The following METTL4 variants were observed in gnomAD, a reference collection of about 807,000 sequenced individuals.
METTL4 encodes N(6)-adenine-specific methyltransferase METTL4.
Under a neutral mutation model 54.0 loss-of-function variants are expected in METTL4, and 40 were observed. That is an observed-to-expected ratio of 0.74 (90% CI 0.58 to 0.96). METTL4 has a LOEUF of 0.96. METTL4 is among the 50% of genes least tolerant of loss of function. The pLI, the probability that METTL4 is intolerant of heterozygous loss-of-function variation, is 0.00. For missense variants in METTL4, 525 were observed against 549.0 expected, an observed-to-expected ratio of 0.96 and a Z score of 0.44; for synonymous variants, 169 against 183.8, an observed-to-expected ratio of 0.92 and a Z score of 0.65.
Position 2,567,130 on chromosome 18 carries a change from A to G in METTL4, c.87T>C (p.His29=), listed in dbSNP as rs2072433303. The G allele has an allele frequency of 1.2e-6, 2 of 1,614,014 alleles. No individual in the cohort carries two copies. The highest frequency in any genetic ancestry group is 1.7e-6 in the Non-Finnish European group (2 of 1,179,994). The change falls in exon 2 of 9, where the codon CAT becomes CAC. Residue 29 remains histidine, a synonymous_variant. Coordinates refer to ENST00000574538, the MANE Select transcript of METTL4 (RefSeq NM_022840.5). ...INKINYQLHQ[H]HEPCCRKKEF... ...CCTTTTTACGGCAACAAGGTTCATGATGCTGGTGAAGTTGATAGTTTATCT... is the reference window on the plus strand; with the variant it reads ...CCTTTTTACGGCAACAAGGTTCATGGTGCTGGTGAAGTTGATAGTTTATCT...
chr18:2,565,660 A>C (rs1439755706), intron 2 of METTL4, among the ~76,000 whole-genome samples: 5 of 152,202 alleles, frequency 3.3e-5, no homozygotes, highest in Non-Finnish European at 5.9e-5. Context: ...ACCGAATTAT[A>C]AGATCCATCA....
At chr18:2,552,191 C>CAAAATAAAATAAAAT (rs553206325) in intron 5 of METTL4, among the ~76,000 whole-genome samples, 10,346 of 149,438 alleles carry the variant, frequency 0.069, 522 homozygotes, top group African/African-American at 0.14. Context: ...GACTCCATCT[C>CAAAATAAAATAAAAT]AAAATAAAAT....
intron 6 of METTL4, among the ~76,000 whole-genome samples, chr18:2,546,954 A>G (rs2072078268): frequency 6.6e-6 from 1 of 152,206 alleles, no homozygotes. Context: ...CCACAAAATA[A>G]GAAAAAGAAA....
At position 2,566,997 on chromosome 18, in the gene METTL4, C is replaced by G. The variant is rs755449452; in HGVS notation, c.220G>C (p.Asp74His). ...AACATTTCATAATTTCCTCCATCAT[C>G]ATTCTCTGGCTTAGTGGAAGAGTCA... ...ASDSSTKPENDDGGNYEMFTR... is the reference protein window; with the variant it reads ...ASDSSTKPENHDGGNYEMFTR... Residue 74 changes from aspartate (D) to histidine (H), a missense_variant, in exon 2 of 9, where the codon GAT becomes CAT. Transcript: ENST00000574538. 4 of 1,614,152 alleles carry G rather than the reference C, an allele frequency of 2.5e-6. No individual in the cohort carries two copies. The highest frequency in any genetic ancestry group is 2.5e-6 in the Non-Finnish European group (3 of 1,180,018).
At position 2,554,704 on chromosome 18, in the gene METTL4, A is replaced by G. The variant is rs945708565; in HGVS notation, c.794T>C (p.Leu265Ser). The G allele has an allele frequency of 6.2e-6, 10 of 1,608,682 alleles. No individual in the cohort carries two copies. The Admixed American group carries it at 1.2e-4, about 19-fold the overall frequency. The change falls in exon 4 of 9, where the codon TTA becomes TCA. Residue 265 changes from leucine to serine, a missense_variant. By Grantham distance (145) the Leu-to-Ser change is moderately radical. Coordinates refer to ENST00000574538, the MANE Select transcript of METTL4 (RefSeq NM_022840.5). ...TGGTTGCATACAAGAAATGTCAGAT[A>G]AAAGAAAACTGCTTTTCGGTGGTAG... ...YLLPPKSSFL[L>S]SDISCMQPLL...
intron 8 of METTL4, chr18:2,540,438 T>C (rs1484185600): frequency 3.1e-6 from 3 of 982,996 alleles, no homozygotes; most frequent in African/African-American, 1.7e-5. Flanking sequence ...TAAAAGAGAA[T>C]ATATCAAATA....
chr18:2,553,732 T>C (rs766955883), intron 4 of METTL4: 2 of 152,172 alleles, frequency 1.3e-5, no homozygotes, highest in Admixed American at 6.5e-5. Flanking sequence ...TTTTTGTAAA[T>C]GTGTACAATC....
At chr18:2,560,597 G>A (rs1422817036) in intron 3 of METTL4, among the ~76,000 whole-genome samples, 1 of 152,154 alleles carries the variant, frequency 6.6e-6, no homozygotes, top group Non-Finnish European at 1.5e-5. Context: ...TCCAGTAGAG[G>A]CCGGGCGCAG....
Position 2,567,053 on chromosome 18 carries a change from G to A in METTL4, c.164C>T (p.Ser55Phe), listed in dbSNP as rs376322080. ...AATAAATGCAGCACAGACTCCAGAGGAGGACACAGAATCCATTTGAAGAGA... is the reference window on the plus strand; with the variant it reads ...AATAAATGCAGCACAGACTCCAGAGAAGGACACAGAATCCATTTGAAGAGA... Reference protein sequence around the residue: ...FESLQMDSVSSSGVCAAFIAS... With the variant: ...FESLQMDSVSFSGVCAAFIAS... The change falls in exon 2 of 9, where the codon TCC (serine) becomes TTC (phenylalanine). Residue 55 changes from serine to phenylalanine, a missense_variant. Transcript: ENST00000574538. 6.2e-7 allele frequency: 1 copy of A among 1,614,150 alleles called. No homozygotes were observed. The highest frequency in any genetic ancestry group is 1.1e-5 in the South Asian group (1 of 91,082).
intron 3 of METTL4, 97 bp downstream of exon 3, chr18:2,563,700 C>A: frequency 2.9e-6 from 2 of 700,252 alleles, no homozygotes; most frequent in Non-Finnish European, 4.5e-6. Context: ...AAAATGATTG[C>A]TTGATTTTGA....
chr18:2,538,997 T>G lies in METTL4; in HGVS notation c.*3A>C. The G allele has an allele frequency of 6.2e-7, 1 of 1,613,220 alleles. No individual in the cohort carries two copies. Among genetic ancestry groups the G allele is most frequent in the South Asian group, 1.1e-5 (1 of 90,972 alleles). On this transcript the variant is annotated 3_prime_UTR_variant, in exon 9 of 9. Coordinates refer to ENST00000574538, the MANE Select transcript of METTL4 (RefSeq NM_022840.5). The stretch of plus-strand genomic sequence containing the variant: ...GAAACCACTACTTTAATCAAGATCA[T>G]AGTCAGCTTCCAGACTCCACAGCAA...
intron 3 of METTL4, among the ~76,000 whole-genome samples, chr18:2,559,939 T>G (rs1187548481): frequency 6.6e-6 from 1 of 152,182 alleles, no homozygotes; most frequent in Non-Finnish European, 1.5e-5. Flanking sequence ...GATTTCACCA[T>G]GTTGGCCAGA....
At chr18:2,566,735 C>G (rs187981430) in intron 2 of METTL4, 86 bp downstream of exon 2, 1 of 1,103,360 alleles carries the variant, frequency 9.1e-7, no homozygotes, top group East Asian at 2.7e-5. Context: ...TTATACTTAA[C>G]GAATCACCAG....
At chr18:2,562,858 A>G (rs1333231480) in intron 3 of METTL4, among the ~76,000 whole-genome samples, 1 of 152,190 alleles carries the variant, frequency 6.6e-6, no homozygotes, top group Non-Finnish European at 1.5e-5. Flanking sequence ...GGTGTGGTAC[A>G]ACATTGTGAA....
rs1463898494 is a variant in METTL4, at chr18:2,544,778, C to T, written c.1075-19G>A. The T allele has an allele frequency of 1.3e-6, 2 of 1,532,838 alleles. No individual in the cohort carries two copies. Among genetic ancestry groups the T allele is most frequent in the Admixed American group, 3.4e-5 (2 of 58,784 alleles). 95.0% of individuals were successfully genotyped at this position (1,532,838 alleles called of 1,614,324 possible). On this transcript the variant is annotated intron_variant, in intron 6 of 8. Transcript: ENST00000574538. ...TGGTTATCTGATAGGAAGGAGCCAA[C>T]AAAAGAGGGTTATTTTTTCCCATCA...
chr18:2,555,981 A>C (rs2072233558), intron 3 of METTL4, among the ~76,000 whole-genome samples: 1 of 152,216 alleles, frequency 6.6e-6, no homozygotes, highest in Non-Finnish European at 1.5e-5. Context: ...TGCAGAGTCC[A>C]ATAGTCTCTC....
At chr18:2,550,137 T>G (rs2072132729) in intron 5 of METTL4, among the ~76,000 whole-genome samples, 1 of 152,156 alleles carries the variant, frequency 6.6e-6, no homozygotes, top group Non-Finnish European at 1.5e-5. Context: ...AGGAACTAAT[T>G]TTGCTACAGT....
rs185206504 is a variant in METTL4, at chr18:2,567,685, C to T, written c.-438-31G>A. 10 of 152,896 alleles carry T rather than the reference C, an allele frequency of 6.5e-5. No individual in the cohort carries two copies. The East Asian group carries it at 1.4e-3, about 21-fold the overall frequency. 9.5% of individuals were successfully genotyped at this position (152,896 alleles called of 1,614,324 possible). On this transcript the variant is annotated intron_variant, in intron 1 of 8. Transcript: ENST00000574538. Reference sequence around the variant, plus strand: ...AAAGCAAAGAACACTACATTAGCTACGTGAATTCACCCTTTTTAATGAGAT... The same window carrying T: ...AAAGCAAAGAACACTACATTAGCTATGTGAATTCACCCTTTTTAATGAGAT...
At chr18:2,543,053 G>A (rs764468219) in intron 8 of METTL4, among the ~76,000 whole-genome samples, 6 of 150,766 alleles carry the variant, frequency 4.0e-5, no homozygotes, top group Non-Finnish European at 8.8e-5. Flanking sequence ...GAACCCAGGA[G>A]GTAGAGGATG....
Sources: allele counts gnomAD v4.1 joint callset (sites outside exome capture counted in the v4.1 genomes callset), GRCh38; gene constraint gnomAD v4.1.1; transcripts MANE v1.5; gene names NCBI Gene and HGNC (gene_info 2026-07-23, HGNC 2026-07-21).